Variants in CCDC102B observed in about 807,000 individuals in gnomAD.
The protein encoded by CCDC102B is coiled-coil domain containing 102B.
CCDC102B carries 75 observed loss-of-function variants against 57.4 expected under a neutral mutation model. That is an observed-to-expected ratio of 1.31 (90% CI 1.08 to 1.58). The LOEUF (loss-of-function observed/expected upper bound fraction) is 1.58, where lower values mean the gene tolerates loss of function less well. Ranked by LOEUF, CCDC102B falls within the 40% of genes most tolerant of loss-of-function variation. CCDC102B has a pLI of 0.00. For missense variants in CCDC102B, 636 were observed against 582.6 expected (o/e 1.09, Z -0.94); for synonymous variants, 206 against 201.9 (o/e 1.02, Z -0.17).
chr18:68,838,927 G>GT lies in CCDC102B; in HGVS notation c.827+2dup, dbSNP rs755323638. On this transcript the variant is annotated splice_donor_variant, in intron 3 of 7. Transcript: ENST00000360242. LOFTEE classifies it high-confidence loss of function. ...AAAAAATCTTATGGAAGGAAAGAGA[G>GT]TAAGTGCTAATCATTGTCTCCCTTA... 6.2e-7 allele frequency: 1 copy of GT among 1,610,922 alleles called. No individual in the cohort carries two copies. Among genetic ancestry groups the GT allele is most frequent in the Non-Finnish European group, 8.5e-7 (1 of 1,177,452 alleles).
intron 7 of CCDC102B, among the ~76,000 whole-genome samples, chr18:69,053,376 C>T (rs191394101): frequency 1.2e-4 from 18 of 151,262 alleles, no homozygotes; most frequent in African/African-American, 4.1e-4. Context: ...TATACATACA[C>T]GTGTATTTTG....
At chr18:68,781,006 TA>T (rs1366900928) in intron 2 of CCDC102B, among the ~76,000 whole-genome samples, 2 of 152,208 alleles carry the variant, frequency 1.3e-5, no homozygotes, top group South Asian at 2.1e-4. Context: ...TAGGGATACA[TA>T]AAAACACATT....
At chr18:68,916,839 T>G (rs17079874) in intron 6 of CCDC102B, among the ~76,000 whole-genome samples, 5,095 of 152,272 alleles carry the variant, frequency 0.033, 135 homozygotes, top group African/African-American at 0.069. Flanking sequence ...AGGAAATCGG[T>G]ACCTGGGTAG....
chr18:68,919,634 C>A (rs191084071), intron 6 of CCDC102B, among the ~76,000 whole-genome samples: 2 of 152,102 alleles, frequency 1.3e-5, no homozygotes, highest in Non-Finnish European at 2.9e-5. Context: ...ACAGTATGAA[C>A]TTGAACTCTG....
At chr18:68,748,205 GGTGTGTGTGTGT>G (rs5825872) in intron 2 of CCDC102B, among the ~76,000 whole-genome samples, 2,474 of 137,518 alleles carry the variant, frequency 0.018, 47 homozygotes, top group African/African-American at 0.024. Flanking sequence ...TTATTAAACT[GGTGTGTGTGTGT>G]GTGTGTGTGT....
At chr18:68,754,145 A>G (rs2033961362) in intron 2 of CCDC102B, 1 of 147,452 alleles carries the variant, frequency 6.8e-6, no homozygotes, top group African/African-American at 2.5e-5. Flanking sequence ...TTCACAAAAT[A>G]TTTGAGGAGG....
intron 1 of CCDC102B, among the ~76,000 whole-genome samples, chr18:68,829,317 G>A (rs1393866289): frequency 1.3e-5 from 2 of 151,866 alleles, no homozygotes; most frequent in East Asian, 1.9e-4. Context: ...TTGGATATAC[G>A]CACAGGTATA....
intron 6 of CCDC102B, among the ~76,000 whole-genome samples, chr18:68,974,489 C>T (rs1270925302): frequency 2.6e-5 from 4 of 151,826 alleles, no homozygotes; most frequent in Non-Finnish European, 5.9e-5. Flanking sequence ...TAATATCTGT[C>T]CACCTTTTTT....
intron 5 of CCDC102B, among the ~76,000 whole-genome samples, chr18:68,894,827 TAAAA>T (rs1254948986): frequency 6.6e-6 from 1 of 151,676 alleles, no homozygotes; most frequent in Non-Finnish European, 1.5e-5. Context: ...AATCATTACT[TAAAA>T]AAAATCTTAA....
At chr18:68,724,293 G>A (rs1206526100) in intron 2 of CCDC102B, among the ~76,000 whole-genome samples, 2 of 152,182 alleles carry the variant, frequency 1.3e-5, no homozygotes, top group South Asian at 2.1e-4. Context: ...GACATGCCCC[G>A]AAGACATTTT....
intron 6 of CCDC102B, among the ~76,000 whole-genome samples, chr18:68,921,500 A>T (rs2041279414): frequency 2.0e-5 from 3 of 152,342 alleles, no homozygotes; most frequent in Admixed American, 2.0e-4. Flanking sequence ...TAATCAGTTA[A>T]CATCGCATAT....
intron 2 of CCDC102B, among the ~76,000 whole-genome samples, chr18:68,728,724 T>G (rs904529262): frequency 6.6e-6 from 1 of 152,192 alleles, no homozygotes; most frequent in Non-Finnish European, 1.5e-5. Flanking sequence ...ATCAATAATA[T>G]TCATCAAACA....
chr18:68,865,857 A>C (rs1473476516), intron 4 of CCDC102B, among the ~76,000 whole-genome samples: 1 of 152,202 alleles, frequency 6.6e-6, no homozygotes, highest in East Asian at 1.9e-4. Flanking sequence ...ATTACAAATA[A>C]ATTTTGATAT....
At chr18:68,880,503 G>A (rs1170836345) in intron 5 of CCDC102B, among the ~76,000 whole-genome samples, 2 of 152,248 alleles carry the variant, frequency 1.3e-5, no homozygotes, top group Non-Finnish European at 1.5e-5. Flanking sequence ...CCCAGGCAGA[G>A]GAGGCGCCGA....
At chr18:68,808,468 CTTTTTT>C (rs1157601164) in intron 1 of CCDC102B, among the ~76,000 whole-genome samples, 2 of 91,786 alleles carry the variant, frequency 2.2e-5, no homozygotes, top group African/African-American at 8.6e-5. Flanking sequence ...GCTTTTACTA[CTTTTTT>C]TTTTTTTTTT....
chr18:68,807,221 C>G (rs773100003), intron 1 of CCDC102B, among the ~76,000 whole-genome samples: 1 of 151,846 alleles, frequency 6.6e-6, no homozygotes, highest in Non-Finnish European at 1.5e-5. Context: ...ACAACTGGGA[C>G]CAATATATTC....
Position 69,008,399 on chromosome 18 carries a change from C to T in CCDC102B, c.1264-2535C>T, listed in dbSNP as rs537013565. On this transcript the variant is annotated intron_variant, in intron 6 of 7. Transcript: ENST00000360242. Reference sequence around the variant, plus strand: ...GGCAAGCTCACCCAGAAAACGAGTTCGAGTGTCCTGTCTAGCTGCCCAGAC... The same window carrying T: ...GGCAAGCTCACCCAGAAAACGAGTTTGAGTGTCCTGTCTAGCTGCCCAGAC... 8.5e-5 allele frequency among the ~76,000 whole-genome samples: 13 copies of T among 152,302 alleles called. No homozygotes were observed. In the South Asian group the frequency reaches 2.5e-3, roughly 29 times the overall value.
At chr18:68,754,074 T>C (rs915858272) in intron 2 of CCDC102B, 1 of 152,222 alleles carries the variant, frequency 6.6e-6, no homozygotes, top group Non-Finnish European at 1.5e-5. Context: ...TACTGTTGTA[T>C]AGCAGTTTCC....
chr18:68,879,005 C>A (rs2039566063), intron 5 of CCDC102B, among the ~76,000 whole-genome samples: 1 of 152,076 alleles, frequency 6.6e-6, no homozygotes, highest in South Asian at 2.1e-4. Context: ...TTCGGAGTTT[C>A]TTCCTTCTGG....
Sources: gnomAD v4.1 joint callset for allele counts (sites outside exome capture counted in the v4.1 genomes callset) on GRCh38, gnomAD v4.1.1 for gene constraint, MANE v1.5 for transcripts, NCBI Gene and HGNC (gene_info 2026-07-23, HGNC 2026-07-21) for gene names.